SH3D19: variants seen among roughly 807,000 people sequenced by gnomAD.
The protein encoded by SH3D19 is SH3 domain containing 19.
A neutral mutation model predicts 112.1 loss-of-function variants in SH3D19; 58 were observed. That is an observed-to-expected ratio of 0.52 (90% CI 0.42 to 0.64). The LOEUF is 0.64. Among genes scored for constraint, SH3D19 ranks in the 30% least tolerant of loss-of-function variants. The pLI is 0.00. For missense variants in SH3D19, 1,090 were observed against 1,263.4 expected, an observed-to-expected ratio of 0.86 and a Z score of 2.08; for synonymous variants, 391 against 448.5, an observed-to-expected ratio of 0.87 and a Z score of 1.62.
intron 1 of SH3D19, chr4:151,226,483 A>C (rs868217006): frequency 2.0e-6 from 2 of 988,780 alleles, no homozygotes; most frequent in Non-Finnish European, 1.2e-6. Flanking sequence ...AGAAGCTTCT[A>C]ACAGAATGGG....
At chr4:151,238,298 G>A (rs1449924486) in intron 1 of SH3D19, among the ~76,000 whole-genome samples, 1 of 152,044 alleles carries the variant, frequency 6.6e-6, no homozygotes, top group Non-Finnish European at 1.5e-5. Flanking sequence ...TGAAATTACT[G>A]GAATCTCCCA....
chr4:151,183,094 C>G (rs181618063), intron 3 of SH3D19, among the ~76,000 whole-genome samples: 1 of 151,008 alleles, frequency 6.6e-6, no homozygotes, highest in East Asian at 2.0e-4. Flanking sequence ...CAGGTTCAAG[C>G]GATTCTCCTG....
At chr4:151,258,880 A>T (rs1349778379) in intron 1 of SH3D19, among the ~76,000 whole-genome samples, 6 of 152,134 alleles carry the variant, frequency 3.9e-5, no homozygotes, top group South Asian at 4.1e-4. Context: ...CAGGACAGAG[A>T]CACGGGCACT....
intron 9 of SH3D19, among the ~76,000 whole-genome samples, chr4:151,155,005 G>A (rs1158429287): frequency 2.0e-5 from 3 of 152,050 alleles, no homozygotes; most frequent in African/African-American, 4.8e-5. Flanking sequence ...TGATTTGCCC[G>A]CCTTGGCCTC....
At chr4:151,189,847 C>T (rs1238858616) in intron 2 of SH3D19, among the ~76,000 whole-genome samples, 1 of 152,094 alleles carries the variant, frequency 6.6e-6, no homozygotes, top group Non-Finnish European at 1.5e-5. Flanking sequence ...GTAGATACCC[C>T]AAAATGTGGA....
intron 1 of SH3D19, among the ~76,000 whole-genome samples, chr4:151,285,585 A>G (rs1392580251): frequency 3.9e-5 from 6 of 152,218 alleles, no homozygotes; most frequent in Non-Finnish European, 5.9e-5. Flanking sequence ...AGAAATTTAT[A>G]TCTGTAAATG....
chr4:151,281,465 T>TGG (rs1372572410), intron 1 of SH3D19, among the ~76,000 whole-genome samples: 3 of 151,424 alleles, frequency 2.0e-5, no homozygotes, highest in African/African-American at 7.3e-5. Flanking sequence ...AAGTGGGAGG[T>TGG]GGGGGGTAGA....
intron 1 of SH3D19, among the ~76,000 whole-genome samples, chr4:151,228,802 G>A (rs1257116086): frequency 1.3e-5 from 2 of 151,718 alleles, no homozygotes; most frequent in Non-Finnish European, 2.9e-5. Flanking sequence ...TTAAGTGTAT[G>A]GATTTTATTT....
At position 151,132,343 on chromosome 4, in the gene SH3D19, G is replaced by A. The variant is rs761064631; in HGVS notation, c.2730C>T (p.Gly910=). 10 of 1,613,986 alleles carry A rather than the reference G, an allele frequency of 6.2e-6. No homozygotes were observed. Among genetic ancestry groups the A allele is most frequent in the Non-Finnish European group, 8.5e-7 (1 of 1,179,952 alleles). The change falls in exon 17 of 20, where the codon GGC becomes GGT. Residue 910 remains glycine (G), a synonymous_variant. Coordinates refer to ENST00000604030, the MANE Select transcript of SH3D19 (RefSeq NM_001378122.1). ...VPLKTKKEDS[G]SNSQVNSLPA... ...TCAAGCAGCCTACCTGAGAGTTTGA[G>A]CCAGAATCTTCTTTTTTGGTTTTCA...
chr4:151,218,196 T>C (rs532671183), intron 2 of SH3D19, among the ~76,000 whole-genome samples: 2 of 152,236 alleles, frequency 1.3e-5, no homozygotes, highest in Admixed American at 1.3e-4. Flanking sequence ...ATGCTTCTAG[T>C]AAAAGGAGAC....
intron 19 of SH3D19, among the ~76,000 whole-genome samples, chr4:151,124,707 A>T (rs1007742538): frequency 3.3e-5 from 5 of 151,954 alleles, no homozygotes; most frequent in African/African-American, 7.2e-5. Flanking sequence ...GGGCAGCAGA[A>T]CAAGACTCCT....
chr4:151,275,848 ATT>A (rs370367821), intron 1 of SH3D19, among the ~76,000 whole-genome samples: 2,789 of 135,218 alleles, frequency 0.021, 82 homozygotes, highest in African/African-American at 0.07. Context: ...TATTATTATT[ATT>A]TTTTTTTTTT....
chr4:151,234,759 T>C lies in SH3D19; in HGVS notation c.113-8673A>G, dbSNP rs1769897992. 2.2e-5 allele frequency among the ~76,000 whole-genome samples: 3 copies of C among 136,750 alleles called. 1 individual carries two copies. The highest frequency in any genetic ancestry group is 4.9e-4 in the South Asian group (2 of 4,048). The allele number at this position is 136,750 out of a possible 152,430, so 89.7% of individuals were successfully genotyped here. A position where few individuals can be genotyped will look rare whatever the true frequency, so the allele number is the denominator to read the frequency against. Reference sequence around the variant, plus strand: ...TGTTTTTTTTTTTTTTTTTTTTTTTTTTTTTTTAGACAGGGGCTCACTCCG... The same window carrying C: ...TGTTTTTTTTTTTTTTTTTTTTTTTCTTTTTTTAGACAGGGGCTCACTCCG... On this transcript the variant is annotated intron_variant, in intron 1 of 19. Transcript: ENST00000604030.
chr4:151,267,217 C>T lies in SH3D19; in HGVS notation c.113-41131G>A, dbSNP rs896349833. ...TAGCATAGTGGCACGTGCCTGTAGT[C>T]CCAGCTACTCATGAGGCTGAGGTGG... On this transcript the variant is annotated intron_variant, in intron 1 of 19. Transcript: ENST00000604030. 6.1e-4 allele frequency among the ~76,000 whole-genome samples: 93 copies of T among 151,460 alleles called. 3 individuals carry two copies. Among genetic ancestry groups the T allele is most frequent in the Admixed American group, 6.6e-4 (10 of 15,216 alleles).
At chr4:151,248,079 G>C (rs1580321672) in intron 1 of SH3D19, among the ~76,000 whole-genome samples, 1 of 152,096 alleles carries the variant, frequency 6.6e-6, no homozygotes, top group Admixed American at 6.6e-5. Context: ...ATGTTGACCA[G>C]ATTTTCAAAC....
chr4:151,179,129 T>C (rs1047024909), intron 4 of SH3D19, among the ~76,000 whole-genome samples: 5 of 152,174 alleles, frequency 3.3e-5, no homozygotes, highest in African/African-American at 1.2e-4. Context: ...AAAAATCAAC[T>C]TCAATAAATA....
chr4:151,123,498 T>G (rs115830048), intron 19 of SH3D19, among the ~76,000 whole-genome samples: 1,714 of 152,342 alleles, frequency 0.011, 10 homozygotes, highest in Non-Finnish European at 0.018. Context: ...AGTCTCGCTC[T>G]GTGGCCCAGG....
In SH3D19 at chr4:151,224,885, C is replaced by T. The variant is rs191753667; in HGVS notation, c.152+1162G>A. On this transcript the variant is annotated intron_variant, in intron 2 of 19. Coordinates refer to ENST00000604030, the MANE Select transcript of SH3D19 (RefSeq NM_001378122.1). ...AAGTATCTAATATAAAAGAATCTTA[C>T]GAACTGTTTAATGATTATGGTGGTA... 2.0e-4 allele frequency among the ~76,000 whole-genome samples: 30 copies of T among 152,062 alleles called. No individual in the cohort carries two copies. The East Asian group carries it at 5.2e-3, about 26-fold the overall frequency.
Position 151,265,569 on chromosome 4 carries a change from C to CTTTTCTTTT in SH3D19, c.113-39484_113-39483insAAAAGAAAA, listed in dbSNP as rs776872285. 1.6e-5 allele frequency among the ~76,000 whole-genome samples: 2 copies of CTTTTCTTTT among 126,124 alleles called. 1 individual carries two copies. The highest frequency in any genetic ancestry group is 3.2e-5 in the Non-Finnish European group (2 of 63,124). The allele number at this position is 126,124 out of a possible 152,430, so 82.7% of individuals were successfully genotyped here. A position where few individuals can be genotyped will look rare whatever the true frequency, so the allele number is the denominator to read the frequency against. ...TCCTTATATTTATTTTATTTCTTTT[C>CTTTTCTTTT]TTTTTTTTTTTTTTTTTTTTTTTTA... On this transcript the variant is annotated intron_variant, in intron 1 of 19. Coordinates refer to ENST00000604030, the MANE Select transcript of SH3D19 (RefSeq NM_001378122.1).
Sources: gnomAD v4.1 joint callset for allele counts (sites outside exome capture counted in the v4.1 genomes callset) on GRCh38, gnomAD v4.1.1 for gene constraint, MANE v1.5 for transcripts, NCBI Gene and HGNC (gene_info 2026-07-23, HGNC 2026-07-21) for gene names.